Variants in HERC3 observed in about 807,000 individuals in gnomAD.
HERC3 encodes probable E3 ubiquitin-protein ligase HERC3.
Under a neutral mutation model 129.9 loss-of-function variants are expected in HERC3, and 58 were observed. The ratio of observed to expected loss-of-function variants is 0.45; its 90% CI spans 0.36 to 0.56. The LOEUF (loss-of-function observed/expected upper bound fraction) is 0.56. HERC3 is among the 20% of genes least tolerant of loss of function. HERC3 has a pLI of 0.00. For missense variants in HERC3, 835 were observed against 1,244.2 expected, an observed-to-expected ratio of 0.67 and a Z score of 4.95; for synonymous variants, 430 against 451.0, an observed-to-expected ratio of 0.95 and a Z score of 0.59.
At chr4:88,560,830 A>G in the HERC3 span, among the ~76,000 whole-genome samples, 1 of 152,070 alleles carries the variant, frequency 6.6e-6, no homozygotes, top group Non-Finnish European at 1.5e-5. Context: ...AGCATCATCT[A>G]CTGAAGAGAC....
chr4:88,684,060 A>G (rs1733116236), intron 21 of HERC3, among the ~76,000 whole-genome samples: 1 of 152,178 alleles, frequency 6.6e-6, no homozygotes, highest in African/African-American at 2.4e-5. Flanking sequence ...TAATTTATAG[A>G]TTCAGTACTA....
chr4:88,653,899 T>C (rs1020998415), intron 6 of HERC3, 143 bp from the exon 7 acceptor site: 3 of 610,444 alleles, frequency 4.9e-6, no homozygotes, highest in Non-Finnish European at 8.7e-6. Context: ...CTGAGAAGTC[T>C]GTTGGATATC....
intron 19 of HERC3, among the ~76,000 whole-genome samples, chr4:88,678,543 TA>T (rs1732410795): frequency 6.6e-6 from 1 of 152,154 alleles, no homozygotes; most frequent in African/African-American, 2.4e-5. Context: ...TCTGGGAAGC[TA>T]TTGGCCTATT....
At chr4:88,530,251 C>T in the HERC3 span, among the ~76,000 whole-genome samples, 1 of 151,826 alleles carries the variant, frequency 6.6e-6, no homozygotes, top group Non-Finnish European at 1.5e-5. Flanking sequence ...GATCGTGCCA[C>T]TGCACTCCAG....
At chr4:88,572,436 A>C in the HERC3 span, among the ~76,000 whole-genome samples, 6 of 151,874 alleles carry the variant, frequency 4.0e-5, 1 homozygote, top group African/African-American at 1.5e-4. Flanking sequence ...AAAAAAACAA[A>C]AAACAAAAAC....
the HERC3 span, among the ~76,000 whole-genome samples, chr4:88,526,463 TTTTC>T: frequency 6.6e-6 from 1 of 152,260 alleles, no homozygotes; most frequent in Non-Finnish European, 1.5e-5. Flanking sequence ...CTGCTTGATC[TTTTC>T]TTTCTGTGAT....
Position 88,707,005 on chromosome 4 carries a change from A to T in HERC3, c.*45A>T. ...TATTTCCCTTCGTTCCTCAGTGTCC[A>T]CATTGAGGCCTATACAGAAAATCAT... On this transcript the variant is annotated 3_prime_UTR_variant, in exon 26 of 26. Transcript: ENST00000402738. 6.9e-7 allele frequency: 1 copy of T among 1,444,544 alleles called. No homozygotes were observed. The highest frequency in any genetic ancestry group is 9.7e-7 in the Non-Finnish European group (1 of 1,026,126). The allele number at this position is 1,444,544 out of a possible 1,614,324, so 89.5% of individuals were successfully genotyped here. A position where few individuals can be genotyped will look rare whatever the true frequency, so the allele number is the denominator to read the frequency against.
the HERC3 span, among the ~76,000 whole-genome samples, chr4:88,549,040 C>G: frequency 5.9e-5 from 9 of 152,090 alleles, no homozygotes; most frequent in Admixed American, 2.0e-4. Flanking sequence ...CTTTTGGTGT[C>G]ATATCTAAGA....
chr4:88,570,465 T>C, the HERC3 span, among the ~76,000 whole-genome samples: 24,569 of 152,154 alleles, frequency 0.16, 2,331 homozygotes, highest in Admixed American at 0.25. Context: ...AAAAATATAG[T>C]GCACTCTCCT....
chr4:88,544,961 T>C, the HERC3 span, among the ~76,000 whole-genome samples: 1 of 152,204 alleles, frequency 6.6e-6, no homozygotes, highest in Admixed American at 6.5e-5. Context: ...AATGACGAGT[T>C]GATGGGTGCA....
At chr4:88,598,335 CA>C (rs1286751449) in intron 2 of HERC3, among the ~76,000 whole-genome samples, 1 of 152,242 alleles carries the variant, frequency 6.6e-6, no homozygotes, top group Non-Finnish European at 1.5e-5. Context: ...GCCCTCCACC[CA>C]TGCCCTCTCC....
intron 3 of HERC3, among the ~76,000 whole-genome samples, chr4:88,640,464 T>C (rs1206796048): frequency 6.6e-6 from 1 of 152,144 alleles, no homozygotes. Flanking sequence ...CTCAGCAAAC[T>C]AACACAGAAA....
chr4:88,702,531 T>C (rs1735411085), intron 23 of HERC3, among the ~76,000 whole-genome samples: 1 of 152,246 alleles, frequency 6.6e-6, no homozygotes, highest in Admixed American at 6.5e-5. Flanking sequence ...CTTGAGATTC[T>C]ATTCATTTTG....
upstream of HERC3, among the ~76,000 whole-genome samples, chr4:88,588,927 G>A (rs1721594336): frequency 6.6e-6 from 1 of 152,152 alleles, no homozygotes; most frequent in African/African-American, 2.4e-5. Context: ...CTGTCCCCCT[G>A]TCAAAAGTTA....
the HERC3 span, among the ~76,000 whole-genome samples, chr4:88,582,472 T>A: frequency 1.1e-4 from 16 of 152,214 alleles, no homozygotes; most frequent in Non-Finnish European, 1.5e-4. Flanking sequence ...CCTGACCTGC[T>A]GTTCCCCATC....
chr4:88,695,338 C>T (rs570063660), intron 23 of HERC3, among the ~76,000 whole-genome samples: 1 of 152,202 alleles, frequency 6.6e-6, no homozygotes. Flanking sequence ...TTTAACCCTT[C>T]AGGGAAAAGG....
intron 14 of HERC3, among the ~76,000 whole-genome samples, chr4:88,669,440 G>A (rs1039599322): frequency 1.3e-5 from 2 of 152,136 alleles, no homozygotes; most frequent in African/African-American, 4.8e-5. Flanking sequence ...TGCCATATTG[G>A]TGCTGCTTCT....
the HERC3 span, among the ~76,000 whole-genome samples, chr4:88,547,781 G>C: frequency 6.6e-6 from 1 of 152,118 alleles, no homozygotes; most frequent in African/African-American, 2.4e-5. Flanking sequence ...TCAGCCTCCT[G>C]AGTAGCTGGG....
At chr4:88,655,665 C>T (rs954499020) in intron 8 of HERC3, among the ~76,000 whole-genome samples, 3 of 152,172 alleles carry the variant, frequency 2.0e-5, no homozygotes, top group African/African-American at 7.2e-5. Flanking sequence ...TCATTCAGCT[C>T]TTTCCTGACT....
Sources: allele counts gnomAD v4.1 joint callset (sites outside exome capture counted in the v4.1 genomes callset), GRCh38; gene constraint gnomAD v4.1.1; transcripts MANE v1.5; gene names NCBI Gene and HGNC (gene_info 2026-07-23, HGNC 2026-07-21).